Variants in STIM1 observed in about 807,000 individuals in gnomAD.
STIM1 encodes stromal interaction molecule 1.
In STIM1, 25 loss-of-function variants were observed where a neutral mutation model predicts 74.7. The observed-to-expected ratio is 0.33, with a 90% CI of 0.24 to 0.47. The LOEUF is 0.47. Among genes scored for constraint, STIM1 ranks in the 20% least tolerant of loss-of-function variants. The pLI, the probability that STIM1 is intolerant of heterozygous loss-of-function variation, is 1.00. For synonymous variants in STIM1, 328 were observed against 348.8 expected (o/e 0.94, Z 0.66); for missense variants, 728 against 920.8 (o/e 0.79, Z 2.71).
At chr11:3,871,010 T>C (rs2091070178) in intron 1 of STIM1, among the ~76,000 whole-genome samples, 1 of 151,702 alleles carries the variant, frequency 6.6e-6, no homozygotes, top group Admixed American at 6.6e-5. Context: ...GTAGCTGGGA[T>C]TACAGGCGCC....
intron 2 of STIM1, among the ~76,000 whole-genome samples, chr11:3,970,074 C>CTTT (rs145136493): frequency 0.23 from 31,676 of 138,764 alleles, 4,409 homozygotes; most frequent in South Asian, 0.42. Context: ...GCTCCTCATC[C>CTTT]TTTTTTTTTT....
At chr11:3,968,592 G>A (rs2135740291) in intron 2 of STIM1, among the ~76,000 whole-genome samples, 1 of 152,286 alleles carries the variant, frequency 6.6e-6, no homozygotes, top group African/African-American at 2.4e-5. Flanking sequence ...ACACAATTAT[G>A]TTTATTAAGC....
intron 5 of STIM1, among the ~76,000 whole-genome samples, chr11:4,069,093 C>T (rs970402893): frequency 7.9e-5 from 12 of 152,172 alleles, no homozygotes; most frequent in Non-Finnish European, 4.4e-5. Context: ...ACAGAGGATG[C>T]AGGAGTAGCT....
Position 3,992,089 on chromosome 11 carries a change from GTTTTTTTTT to G in STIM1, c.270+24421_270+24429del, listed in dbSNP as rs75377604. Among the ~76,000 whole-genome samples, 542 of 95,426 alleles carry G rather than the reference GTTTTTTTTT, an allele frequency of 5.7e-3. 4 individuals carry two copies. The highest frequency in any genetic ancestry group is 0.021 in the African/African-American group (505 of 23,826). The allele number at this position is 95,426 out of a possible 152,430, so 62.6% of individuals were successfully genotyped here. On this transcript the variant is annotated intron_variant, in intron 2 of 12. Coordinates refer to ENST00000526596, the MANE Select transcript of STIM1 (RefSeq NM_001382567.1). ...CAGCCTTGCCAACATCTGTTTTTTT[GTTTTTTTTT>G]TTTTTTTTTTTTTAGTTTTTAATAA...
chr11:4,009,776 G>C (rs1218357524), intron 2 of STIM1, among the ~76,000 whole-genome samples: 2 of 152,052 alleles, frequency 1.3e-5, no homozygotes, highest in African/African-American at 4.8e-5. Context: ...AGCCACTCCT[G>C]TATAAAATTC....
At chr11:3,863,613 G>A (rs2090729374) in intron 1 of STIM1, among the ~76,000 whole-genome samples, 1 of 152,024 alleles carries the variant, frequency 6.6e-6, no homozygotes, top group Admixed American at 6.6e-5. Context: ...GTTTTAAATT[G>A]CACACCATTT....
chr11:3,994,323 G>A (rs544553844), intron 2 of STIM1, among the ~76,000 whole-genome samples: 1 of 152,078 alleles, frequency 6.6e-6, no homozygotes, highest in East Asian at 1.9e-4. Context: ...TTTACTTAAT[G>A]TGTCTATTTG....
Position 4,086,493 on chromosome 11 carries a change from C to G in STIM1, c.1584C>G (p.Ser528Arg). The stretch of plus-strand genomic sequence containing the variant: ...TCCTTGCAGCCCCTAGCCTGCAGAG[C>G]AGTGTTCGGCAGCGCCTGACGGAGC... ...LWKYPAPSLQ[S>R]SVRQRLTEPQ... is the part of the protein sequence containing the mutation. Residue 528 changes from serine (S) to arginine (R), a missense_variant, in exon 12 of 13, where the codon AGC becomes AGG. Ser to Arg is a moderately radical substitution (Grantham distance 110). This residue lies in a region of STIM1 where 352 missense variants were observed against 370.1 expected (regional missense o/e 0.95). Transcript: ENST00000526596. The G allele has an allele frequency of 6.2e-7, 1 of 1,614,150 alleles. No homozygotes were observed. Among genetic ancestry groups the G allele is most frequent in the South Asian group, 1.1e-5 (1 of 91,052 alleles).
chr11:4,068,189 T>C (rs529505962), intron 5 of STIM1, among the ~76,000 whole-genome samples: 6 of 152,332 alleles, frequency 3.9e-5, no homozygotes, highest in Admixed American at 3.9e-4. Context: ...GTATTCTTAT[T>C]CATGACTTGG....
chr11:3,872,678 C>A (rs1324923358), intron 1 of STIM1, among the ~76,000 whole-genome samples: 1 of 151,704 alleles, frequency 6.6e-6, no homozygotes, highest in Non-Finnish European at 1.5e-5. Context: ...CCCACCACCA[C>A]GCCCGGCTAA....
intron 1 of STIM1, among the ~76,000 whole-genome samples, chr11:3,869,782 A>G (rs1382266945): frequency 1.3e-5 from 2 of 152,336 alleles, no homozygotes; most frequent in Non-Finnish European, 2.9e-5. Flanking sequence ...TGCACAGTAC[A>G]TTGGTAAAGG....
At chr11:3,924,356 G>A (rs1386916117) in intron 1 of STIM1, among the ~76,000 whole-genome samples, 1 of 151,018 alleles carries the variant, frequency 6.6e-6, no homozygotes, top group Non-Finnish European at 1.5e-5. Flanking sequence ...CCACCACCAC[G>A]CCCGGCTAAT....
chr11:3,937,874 G>A (rs1373918004), intron 1 of STIM1, among the ~76,000 whole-genome samples: 1 of 151,888 alleles, frequency 6.6e-6, no homozygotes, highest in Admixed American at 6.6e-5. Flanking sequence ...TCTTACTGTT[G>A]GCTGTTGGTG....
At chr11:3,896,294 G>A (rs1026658218) in intron 1 of STIM1, among the ~76,000 whole-genome samples, 1 of 152,062 alleles carries the variant, frequency 6.6e-6, no homozygotes, top group Non-Finnish European at 1.5e-5. Flanking sequence ...CAATGGGTAA[G>A]GTGCTTAGTT....
In STIM1 at chr11:4,091,541, C is replaced by T. The variant is rs200960094; in HGVS notation, c.1894C>T (p.Pro632Ser). ...DKAHSLMELS[P>S]SAPPGGSPHL... ...GGCCCACAGCCTGATGGAGCTGAGC[C>T]CCTCAGCCCCACCTGGTGGCTCTCC... The change falls in exon 13 of 13, where the codon CCC becomes TCC. Residue 632 changes from proline (P) to serine (S), a missense_variant. Pro to Ser is a moderately conservative substitution (Grantham distance 74). Around this residue, in one of 5 missense-constraint regions of STIM1, gnomAD observed 352 missense variants for 370.1 expected, o/e 0.95. Transcript: ENST00000526596. The T allele has an allele frequency of 2.2e-5, 35 of 1,614,060 alleles. No individual in the cohort carries two copies. Among genetic ancestry groups the T allele is most frequent in the Admixed American group, 5.0e-5 (3 of 60,008 alleles).
chr11:4,053,429 T>C (rs534659989), intron 3 of STIM1, among the ~76,000 whole-genome samples: 4 of 152,156 alleles, frequency 2.6e-5, no homozygotes, highest in Non-Finnish European at 5.9e-5. Flanking sequence ...ATGTCCTTTG[T>C]AGGGACATGG....
chr11:3,900,893 A>T (rs1034993911), intron 1 of STIM1, among the ~76,000 whole-genome samples: 1 of 152,140 alleles, frequency 6.6e-6, no homozygotes, highest in African/African-American at 2.4e-5. Flanking sequence ...TTGTTTTAAG[A>T]TATAATGAGT....
chr11:4,018,837 T>G (rs1453362428), intron 2 of STIM1: 1 of 152,322 alleles, frequency 6.6e-6, no homozygotes, highest in Non-Finnish European at 1.5e-5. Context: ...TCTCCATTCT[T>G]GGGATACTCT....
intron 3 of STIM1, among the ~76,000 whole-genome samples, chr11:4,048,220 G>A (rs1410555760): frequency 6.6e-6 from 1 of 152,186 alleles, no homozygotes; most frequent in Non-Finnish European, 1.5e-5. Context: ...GCTTCTTGCT[G>A]CTTACAGCAG....
Sources: allele counts gnomAD v4.1 joint callset (sites outside exome capture counted in the v4.1 genomes callset), GRCh38; gene constraint gnomAD v4.1.1; regional missense constraint gnomAD v4.1.1; transcripts MANE v1.5; gene names NCBI Gene and HGNC (gene_info 2026-07-23, HGNC 2026-07-21).